Variants in ASTN2 observed in about 807,000 individuals in gnomAD.
ASTN2 encodes astrotactin 2.
ASTN2 carries 54 observed loss-of-function variants against 139.8 expected under a neutral mutation model. The observed-to-expected ratio is 0.39, with a 90% CI of 0.31 to 0.48. ASTN2 has a LOEUF of 0.48. Among genes scored for constraint, ASTN2 ranks in the 20% least tolerant of loss-of-function variants. The pLI is 0.95. For synonymous variants in ASTN2, 756 were observed against 719.5 expected (o/e 1.05, Z -0.81); for missense variants, 1,565 against 1,725.1 (o/e 0.91, Z 1.64).
At chr9:117,326,435 A>G (rs1240070672) in intron 1 of ASTN2, among the ~76,000 whole-genome samples, 1 of 152,180 alleles carries the variant, frequency 6.6e-6, no homozygotes, top group Admixed American at 6.5e-5. Flanking sequence ...CACAGATCAT[A>G]AGGAAAAAAA....
chr9:116,688,741 A>G (rs1222605814), intron 16 of ASTN2, among the ~76,000 whole-genome samples: 2 of 152,194 alleles, frequency 1.3e-5, no homozygotes, highest in African/African-American at 4.8e-5. Flanking sequence ...CTACGATAGC[A>G]GATAGAAAGT....
intron 7 of ASTN2, among the ~76,000 whole-genome samples, chr9:116,996,475 T>C (rs1837019584): frequency 6.6e-6 from 1 of 152,104 alleles, no homozygotes; most frequent in Admixed American, 6.6e-5. Context: ...ATAGCACCAA[T>C]GGAGCATAAT....
Position 116,699,453 on chromosome 9 carries a change from G to C in ASTN2, c.2806+26318C>G. The C allele has an allele frequency of 6.2e-7, 1 of 1,614,210 alleles. No individual in the cohort carries two copies. The highest frequency in any genetic ancestry group is 1.1e-5 in the South Asian group (1 of 91,078). On this transcript the variant is annotated intron_variant, in intron 16 of 22. Coordinates refer to ENST00000313400, the MANE Select transcript of ASTN2 (RefSeq NM_001365068.1). The surrounding 1 kb of genome is among the most constrained non-coding windows in gnomAD (Gnocchi z 4.2). ...TCGCCAGATTAGCCACTTCTTCTCGGAGAATGAGGATTTCCGCTGCATTGC... is the reference window on the plus strand; with the variant it reads ...TCGCCAGATTAGCCACTTCTTCTCGCAGAATGAGGATTTCCGCTGCATTGC...
At chr9:116,687,012 GGTA>G in intron 16 of ASTN2, 15 of 1,399,112 alleles carry the variant, frequency 1.1e-5, no homozygotes, top group Non-Finnish European at 1.4e-5. Flanking sequence ...TTTGTGAAGG[GGTA>G]GACATTGAGA....
At chr9:116,763,173 A>G (rs969326568) in intron 13 of ASTN2, among the ~76,000 whole-genome samples, 3 of 152,128 alleles carry the variant, frequency 2.0e-5, no homozygotes, top group Non-Finnish European at 4.4e-5. Flanking sequence ...AGAGATTGAG[A>G]CAATCTTGTT....
chr9:116,534,170 T>C (rs756656565), intron 19 of ASTN2, among the ~76,000 whole-genome samples: 1 of 152,210 alleles, frequency 6.6e-6, no homozygotes, highest in Non-Finnish European at 1.5e-5. Context: ...TAGTATTCTC[T>C]GATGGTAGTT....
In ASTN2 at chr9:117,380,483, C is replaced by T. The variant is rs538626471; in HGVS notation, c.442+34014G>A. On this transcript the variant is annotated intron_variant, in intron 1 of 22. Coordinates refer to ENST00000313400, the MANE Select transcript of ASTN2 (RefSeq NM_001365068.1). The stretch of plus-strand genomic sequence containing the variant: ...AGCTGGGGGTGGTGTTGTGCGCCTG[C>T]AGTCCCAGCTACTCGGGAGGCTGAG... Among the ~76,000 whole-genome samples, 129 of 151,508 alleles carry T rather than the reference C, an allele frequency of 8.5e-4. 2 individuals are homozygous for T. Among genetic ancestry groups the T allele is most frequent in the Non-Finnish European group, 5.5e-4 (37 of 67,870 alleles).
intron 2 of ASTN2, among the ~76,000 whole-genome samples, chr9:117,248,383 G>A (rs1833444248): frequency 6.6e-6 from 1 of 152,158 alleles, no homozygotes; most frequent in Non-Finnish European, 1.5e-5. Context: ...TCCAGTTAGA[G>A]GAAATAGAAT....
At chr9:116,753,404 GTATTCTGTA>G (rs1829450239) in intron 13 of ASTN2, among the ~76,000 whole-genome samples, 2 of 152,184 alleles carry the variant, frequency 1.3e-5, no homozygotes, top group South Asian at 4.2e-4. Flanking sequence ...GGCAGTGAAA[GTATTCTGTA>G]TATTCTGTAT....
chr9:116,506,203 T>C (rs935855598), intron 19 of ASTN2, among the ~76,000 whole-genome samples: 50 of 152,206 alleles, frequency 3.3e-4, no homozygotes, highest in Non-Finnish European at 2.2e-4. Flanking sequence ...TAACTCATAG[T>C]TGTTCATGAA....
At chr9:116,677,261 T>C (rs548026563) in intron 16 of ASTN2, among the ~76,000 whole-genome samples, 3 of 152,242 alleles carry the variant, frequency 2.0e-5, no homozygotes, top group East Asian at 1.9e-4. Flanking sequence ...TAACTTCTCA[T>C]AGCTTGGGAC....
At chr9:116,588,394 T>C (rs16933725) in intron 19 of ASTN2, among the ~76,000 whole-genome samples, 4,614 of 152,276 alleles carry the variant, frequency 0.03, 160 homozygotes, top group African/African-American at 0.087. Flanking sequence ...TGGGAACCGA[T>C]AGTCTGTTTA....
At chr9:116,738,893 G>A (rs908765537) in intron 13 of ASTN2, among the ~76,000 whole-genome samples, 1 of 152,162 alleles carries the variant, frequency 6.6e-6, no homozygotes. Context: ...TTAGAGATGA[G>A]ACCAGGCAGT....
At chr9:116,433,158 A>G (rs543109692) in intron 22 of ASTN2, among the ~76,000 whole-genome samples, 1 of 152,228 alleles carries the variant, frequency 6.6e-6, no homozygotes, top group Non-Finnish European at 1.5e-5. Flanking sequence ...TTATAATAAC[A>G]AAGAAACTGT....
intron 19 of ASTN2, among the ~76,000 whole-genome samples, chr9:116,596,931 G>A (rs1854605950): frequency 6.6e-6 from 1 of 152,108 alleles, no homozygotes; most frequent in Admixed American, 6.6e-5. Flanking sequence ...AACAAGCTTG[G>A]TGTGTCTAAC....
Position 116,739,762 on chromosome 9 carries a change from C to T in ASTN2, c.2397-6239G>A, listed in dbSNP as rs184121771. ...CCAATGTACTGCTGCCTCCTCAGGG[C>T]CCAGCAGTGCAAACTGAGTGCCTGA... On this transcript the variant is annotated intron_variant, in intron 13 of 22. Coordinates refer to ENST00000313400, the MANE Select transcript of ASTN2 (RefSeq NM_001365068.1). Among the ~76,000 whole-genome samples, 7 of 152,310 alleles carry T rather than the reference C, an allele frequency of 4.6e-5. No homozygotes were observed. In the East Asian group the frequency reaches 1.2e-3, roughly 25 times the overall value.
chr9:116,539,436 A>G (rs1014420128), intron 19 of ASTN2, among the ~76,000 whole-genome samples: 1 of 152,212 alleles, frequency 6.6e-6, no homozygotes, highest in African/African-American at 2.4e-5. Flanking sequence ...CAGAGAGGAC[A>G]ATAGTATATG....
At chr9:116,999,994 A>G (rs1202144379) in intron 7 of ASTN2, among the ~76,000 whole-genome samples, 1 of 152,236 alleles carries the variant, frequency 6.6e-6, no homozygotes, top group Non-Finnish European at 1.5e-5. Flanking sequence ...AGATGATATC[A>G]TATTTTCTTC....
At position 116,630,172 on chromosome 9, in the gene ASTN2, T is replaced by C. The variant is rs147761480; in HGVS notation, c.3073-9729A>G. On this transcript the variant is annotated intron_variant, in intron 17 of 22. Transcript: ENST00000313400. ...AATTTGATAATCCTATTGGTGTCAC[T>C]ATATAGAGGATGAGACTGAGGCCCC... 4.5e-3 allele frequency among the ~76,000 whole-genome samples: 684 copies of C among 152,302 alleles called. 2 individuals are homozygous for C. Among genetic ancestry groups the C allele is most frequent in the Middle Eastern group, 0.02 (6 of 294 alleles).
Sources: allele counts gnomAD v4.1 joint callset (sites outside exome capture counted in the v4.1 genomes callset), GRCh38; gene constraint gnomAD v4.1.1; non-coding constraint Gnocchi (gnomAD v3.1); transcripts MANE v1.5; gene names NCBI Gene and HGNC (gene_info 2026-07-23, HGNC 2026-07-21).